Variants in SH2D4A observed in about 807,000 individuals in gnomAD.
SH2D4A encodes the protein SH2 domain containing 4A.
Under a neutral mutation model 64.7 loss-of-function variants are expected in SH2D4A, and 70 were observed. The observed-to-expected ratio is 1.08, with a 90% CI of 0.89 to 1.32. The LOEUF is 1.32. Among genes scored for constraint, SH2D4A ranks in the 40% most tolerant of loss-of-function variants. SH2D4A has a pLI of 0.00. For missense variants in SH2D4A, 706 were observed against 540.1 expected, an observed-to-expected ratio of 1.31 and a Z score of -3.04; for synonymous variants, 268 against 200.7, an observed-to-expected ratio of 1.34 and a Z score of -2.83.
At chr8:19,365,246 A>C (rs537953451) in intron 7 of SH2D4A, among the ~76,000 whole-genome samples, 2 of 152,230 alleles carry the variant, frequency 1.3e-5, no homozygotes, top group South Asian at 4.2e-4. Flanking sequence ...CTTTGCTGTA[A>C]TTATTTCTAC....
intron 4 of SH2D4A, among the ~76,000 whole-genome samples, chr8:19,349,900 C>T (rs1471373849): frequency 6.6e-6 from 1 of 152,196 alleles, no homozygotes; most frequent in East Asian, 1.9e-4. Flanking sequence ...GACGGGGCTT[C>T]ACCATGTTGG....
chr8:19,338,734 T>G (rs1190715486), intron 4 of SH2D4A, among the ~76,000 whole-genome samples: 1 of 152,328 alleles, frequency 6.6e-6, no homozygotes, highest in African/African-American at 2.4e-5. Context: ...AGGTTGGGTC[T>G]CTGACCTACC....
intron 3 of SH2D4A, among the ~76,000 whole-genome samples, chr8:19,333,362 T>C (rs1179710546): frequency 6.6e-6 from 1 of 152,116 alleles, no homozygotes; most frequent in Non-Finnish European, 1.5e-5. Context: ...CTCATGAAAA[T>C]CTTTAGTGCT....
intron 4 of SH2D4A, among the ~76,000 whole-genome samples, chr8:19,336,091 C>G (rs909746174): frequency 2.6e-5 from 4 of 152,160 alleles, no homozygotes; most frequent in Non-Finnish European, 4.4e-5. Context: ...GCAAAGCACA[C>G]TGCTGAGTGT....
At chr8:19,339,276 G>A (rs1208554342) in intron 4 of SH2D4A, among the ~76,000 whole-genome samples, 2 of 152,120 alleles carry the variant, frequency 1.3e-5, no homozygotes, top group Non-Finnish European at 2.9e-5. Flanking sequence ...CCCAGATTGA[G>A]GGTGGATCTG....
intron 2 of SH2D4A, among the ~76,000 whole-genome samples, chr8:19,327,751 C>A (rs902457286): frequency 6.6e-6 from 1 of 152,202 alleles, no homozygotes; most frequent in Non-Finnish European, 1.5e-5. Context: ...AGCAGACACT[C>A]AGTAAATACT....
chr8:19,354,141 G>GCCACCATGCA (rs2052753282), intron 4 of SH2D4A, among the ~76,000 whole-genome samples: 1 of 151,798 alleles, frequency 6.6e-6, no homozygotes, highest in African/African-American at 2.4e-5. Context: ...ACAGGCATGT[G>GCCACCATGCA]CCACCATGCA....
intron 7 of SH2D4A, among the ~76,000 whole-genome samples, chr8:19,367,302 T>G (rs2053013610): frequency 6.6e-6 from 1 of 152,116 alleles, no homozygotes; most frequent in African/African-American, 2.4e-5. Context: ...GTTCTACTTT[T>G]AATTTTTTGA....
chr8:19,360,295 G>GTTTT (rs573228137), intron 5 of SH2D4A, among the ~76,000 whole-genome samples: 1 of 135,234 alleles, frequency 7.4e-6, no homozygotes, highest in African/African-American at 2.7e-5. Flanking sequence ...ATATTTTTCT[G>GTTTT]TTTTTTTTTT....
chr8:19,333,367 A>G (rs551609807), intron 3 of SH2D4A, among the ~76,000 whole-genome samples: 12 of 152,272 alleles, frequency 7.9e-5, no homozygotes, highest in African/African-American at 2.6e-4. Context: ...GAAAATCTTT[A>G]GTGCTGTCAA....
At position 19,373,593 on chromosome 8, in the gene SH2D4A, A is replaced by T; in HGVS notation, c.981A>T (p.Lys327Asn). ...SAQEDIIRWF[K>N]EEQLPLRAGY... ...AAGAGGACATCATCCGGTGGTTTAA[A>T]GAGGAGCAGCTACCACTTCGAGCGG... The change falls in exon 8 of 10, where the codon AAA (lysine) becomes AAT (asparagine). Residue 327 changes from lysine to asparagine, a missense_variant. By Grantham distance (94) the Lys-to-Asn change is moderately conservative. Transcript: ENST00000265807. 6.2e-7 allele frequency: 1 copy of T among 1,613,456 alleles called. No homozygotes were observed. Among genetic ancestry groups the T allele is most frequent in the Non-Finnish European group, 8.5e-7 (1 of 1,179,670 alleles).
At chr8:19,365,609 G>A (rs2052980543) in intron 7 of SH2D4A, among the ~76,000 whole-genome samples, 1 of 152,228 alleles carries the variant, frequency 6.6e-6, no homozygotes, top group Non-Finnish European at 1.5e-5. Context: ...TTGAAGGACA[G>A]TATATTTGAT....
intron 6 of SH2D4A, among the ~76,000 whole-genome samples, chr8:19,362,874 G>A (rs2052915816): frequency 6.6e-6 from 1 of 152,130 alleles, no homozygotes; most frequent in African/African-American, 2.4e-5. Flanking sequence ...TAGCCTAAGT[G>A]TAAAGTGTTT....
At position 19,364,173 on chromosome 8, in the gene SH2D4A, G is replaced by A. The variant is rs754473673; in HGVS notation, c.808G>A (p.Gly270Ser). 8.7e-6 allele frequency: 14 copies of A among 1,614,036 alleles called. No homozygotes were observed. The highest frequency in any genetic ancestry group is 2.7e-5 in the African/African-American group (2 of 74,934). Residue 270 changes from glycine to serine, a missense_variant, in exon 7 of 10, where the codon GGT becomes AGT. By Grantham distance (56) the Gly-to-Ser change is moderately conservative (BLOSUM62 0). Coordinates refer to ENST00000265807, the MANE Select transcript of SH2D4A (RefSeq NM_022071.4). ...LSLGAQKGRG[G>S]ERLQSPLRVP... ...CCTCGGGGCCCAGAAAGGAAGAGGCGGTGAGAGGCTGCAAAGCCCCTTGCG... is the reference window on the plus strand; with the variant it reads ...CCTCGGGGCCCAGAAAGGAAGAGGCAGTGAGAGGCTGCAAAGCCCCTTGCG...
chr8:19,379,705 A>C (rs932098092), intron 8 of SH2D4A, among the ~76,000 whole-genome samples: 3 of 152,116 alleles, frequency 2.0e-5, no homozygotes, highest in African/African-American at 7.2e-5. Flanking sequence ...CAGCTTCTCC[A>C]CATCCTTGCC....
At chr8:19,334,637 T>C in intron 3 of SH2D4A, 49 bp from the exon 4 acceptor site, 1 of 1,548,198 alleles carries the variant, frequency 6.5e-7, no homozygotes, top group Non-Finnish European at 8.7e-7. Flanking sequence ...GGAAAGGCTC[T>C]TCCTGTTGAA....
intron 8 of SH2D4A, among the ~76,000 whole-genome samples, chr8:19,383,623 G>A (rs770551386): frequency 2.0e-5 from 3 of 151,980 alleles, no homozygotes; most frequent in African/African-American, 7.2e-5. Context: ...TCCTCTTCCC[G>A]AAGGTTTACT....
intron 7 of SH2D4A, among the ~76,000 whole-genome samples, chr8:19,372,418 C>T (rs1017679100): frequency 9.9e-5 from 15 of 152,234 alleles, no homozygotes; most frequent in African/African-American, 3.4e-4. Flanking sequence ...TTTTAATGAC[C>T]CAGACAAGTG....
chr8:19,390,480 A>T (rs2053473108), intron 8 of SH2D4A, among the ~76,000 whole-genome samples: 1 of 152,190 alleles, frequency 6.6e-6, no homozygotes, highest in African/African-American at 2.4e-5. Context: ...CTTGGCAGTA[A>T]TCACAGCCAG....
Sources: allele counts gnomAD v4.1 joint callset (sites outside exome capture counted in the v4.1 genomes callset), GRCh38; gene constraint gnomAD v4.1.1; transcripts MANE v1.5; gene names NCBI Gene and HGNC (gene_info 2026-07-23, HGNC 2026-07-21).